MSRA: variants seen among roughly 807,000 people sequenced by gnomAD.
MSRA encodes the protein mitochondrial peptide methionine sulfoxide reductase.
In MSRA, 54 loss-of-function variants were observed where a neutral mutation model predicts 31.3. The ratio of observed to expected loss-of-function variants is 1.73; its 90% CI spans 1.39 to 2.17. MSRA has a LOEUF of 2.17. Among genes scored for constraint, MSRA ranks in the 30% most tolerant of loss-of-function variants. The pLI is 0.00. For synonymous variants in MSRA, 169 were observed against 116.5 expected (o/e 1.45, Z -2.90); for missense variants, 507 against 300.9 (o/e 1.69, Z -5.07).
chr8:10,311,910 T>C (rs1041772017), intron 4 of MSRA, among the ~76,000 whole-genome samples: 2 of 152,126 alleles, frequency 1.3e-5, no homozygotes, highest in African/African-American at 4.8e-5. Context: ...GAGCAAGAGC[T>C]TGCCTGAAAA....
rs752534901 is a variant in MSRA, at chr8:10,191,609, A to G, written c.143-16224A>G. Among the ~76,000 whole-genome samples the G allele has an allele frequency of 5.3e-5, 8 of 152,230 alleles. No homozygotes were observed. The East Asian group carries it at 1.2e-3, about 22-fold the overall frequency. ...CAGAAATGCCTGTTTTAGCAATGCCAGCACACGAGGGAACAAAGTTTGTGG... is the reference window on the plus strand; with the variant it reads ...CAGAAATGCCTGTTTTAGCAATGCCGGCACACGAGGGAACAAAGTTTGTGG... On this transcript the variant is annotated intron_variant, in intron 1 of 5. Transcript: ENST00000317173.
chr8:10,058,530 A>C (rs1019901322), intron 1 of MSRA, among the ~76,000 whole-genome samples: 7 of 152,246 alleles, frequency 4.6e-5, no homozygotes, highest in Non-Finnish European at 8.8e-5. Context: ...GCTATGAAAG[A>C]GTTACCTCCT....
intron 1 of MSRA, among the ~76,000 whole-genome samples, chr8:10,134,595 G>C (rs895645524): frequency 1.3e-5 from 2 of 152,218 alleles, no homozygotes; most frequent in African/African-American, 4.8e-5. Context: ...TCGAGTCTAA[G>C]TTTACCCGTG....
intron 2 of MSRA, among the ~76,000 whole-genome samples, chr8:10,236,679 G>A (rs895224398): frequency 6.6e-6 from 1 of 152,046 alleles, no homozygotes; most frequent in African/African-American, 2.4e-5. Flanking sequence ...TGAGTAGCTG[G>A]GACTACAGGT....
intron 1 of MSRA, among the ~76,000 whole-genome samples, chr8:10,086,632 G>A (rs1563417686): frequency 6.6e-6 from 1 of 152,134 alleles, no homozygotes; most frequent in Non-Finnish European, 1.5e-5. Context: ...AGAGTGCAAA[G>A]TGTTTCTTAT....
At chr8:10,136,509 GAA>G (rs1802289521) in intron 1 of MSRA, among the ~76,000 whole-genome samples, 1 of 152,220 alleles carries the variant, frequency 6.6e-6, no homozygotes, top group Non-Finnish European at 1.5e-5. Flanking sequence ...TAGCCGTATG[GAA>G]TCATATGTCT....
chr8:10,166,262 ATAT>A (rs1042594914), intron 1 of MSRA, among the ~76,000 whole-genome samples: 15 of 152,182 alleles, frequency 9.9e-5, no homozygotes, highest in Non-Finnish European at 2.1e-4. Flanking sequence ...TGAACTCAGA[ATAT>A]TATTAATGAA....
intron 5 of MSRA, among the ~76,000 whole-genome samples, chr8:10,391,491 A>C (rs1243177420): frequency 3.3e-5 from 5 of 152,224 alleles, no homozygotes; most frequent in Non-Finnish European, 7.3e-5. Context: ...TCATAATTTC[A>C]GTTAAAACTA....
intron 5 of MSRA, among the ~76,000 whole-genome samples, chr8:10,363,745 C>CACACACACACACACAA (rs1174414115): frequency 6.8e-6 from 1 of 146,730 alleles, no homozygotes; most frequent in Non-Finnish European, 1.5e-5. Context: ...TCACCACACA[C>CACACACACACACACAA]ACACACACAC....
chr8:10,135,523 C>T (rs936390747), intron 1 of MSRA, among the ~76,000 whole-genome samples: 1 of 152,004 alleles, frequency 6.6e-6, no homozygotes, highest in African/African-American at 2.4e-5. Flanking sequence ...GACTAATGTG[C>T]CAGGTATTAT....
chr8:10,140,025 C>G (rs1257202732), intron 1 of MSRA, among the ~76,000 whole-genome samples: 3 of 152,182 alleles, frequency 2.0e-5, no homozygotes, highest in East Asian at 1.9e-4. Context: ...TGCAAGTTTT[C>G]TGCGACACGG....
intron 1 of MSRA, among the ~76,000 whole-genome samples, chr8:10,074,926 TG>T (rs1241987179): frequency 6.6e-6 from 1 of 152,002 alleles, no homozygotes; most frequent in African/African-American, 2.4e-5. Context: ...CCCGAAGTGC[TG>T]GGATTACAGG....
chr8:10,371,583 G>C (rs542323659), intron 5 of MSRA, among the ~76,000 whole-genome samples: 1 of 152,280 alleles, frequency 6.6e-6, no homozygotes, highest in African/African-American at 2.4e-5. Context: ...TCATCAAGCA[G>C]AGACAGTGTT....
chr8:10,374,552 G>C (rs953735755), intron 5 of MSRA, among the ~76,000 whole-genome samples: 4 of 152,206 alleles, frequency 2.6e-5, no homozygotes, highest in African/African-American at 7.2e-5. Context: ...CTTCCAGATA[G>C]TACATGACAA....
At chr8:10,368,431 A>C (rs1338070908) in intron 5 of MSRA, among the ~76,000 whole-genome samples, 3 of 152,196 alleles carry the variant, frequency 2.0e-5, no homozygotes, top group African/African-American at 7.2e-5. Context: ...AGAAGATGAA[A>C]GTGTGACTCC....
chr8:10,132,408 G>C (rs1801961222), intron 1 of MSRA, among the ~76,000 whole-genome samples: 1 of 152,186 alleles, frequency 6.6e-6, no homozygotes, highest in South Asian at 2.1e-4. Flanking sequence ...ATGGATCTTA[G>C]GCAGTTTGGC....
chr8:10,348,484 C>G (rs914943669), intron 5 of MSRA, among the ~76,000 whole-genome samples: 1 of 149,088 alleles, frequency 6.7e-6, no homozygotes, highest in Non-Finnish European at 1.5e-5. Flanking sequence ...GTTCTCCTGC[C>G]TCAGCCTTCC....
chr8:10,390,063 C>T (rs990477923), intron 5 of MSRA, among the ~76,000 whole-genome samples: 9 of 152,216 alleles, frequency 5.9e-5, no homozygotes, highest in African/African-American at 1.9e-4. Flanking sequence ...AGAGCCCTGC[C>T]TTCTGCAGGT....
chr8:10,163,569 C>G (rs1053599677), intron 1 of MSRA, among the ~76,000 whole-genome samples: 2 of 152,172 alleles, frequency 1.3e-5, no homozygotes, highest in African/African-American at 4.8e-5. Flanking sequence ...TGTTTCTGCC[C>G]CACGCTGGAA....
Sources: gnomAD v4.1 joint callset for allele counts (sites outside exome capture counted in the v4.1 genomes callset) on GRCh38, gnomAD v4.1.1 for gene constraint, MANE v1.5 for transcripts, NCBI Gene and HGNC (gene_info 2026-07-23, HGNC 2026-07-21) for gene names.